Variants in SORBS2 observed in about 807,000 individuals in gnomAD.
SORBS2 encodes the protein sorbin and SH3 domain-containing protein 2.
A neutral mutation model predicts 97.7 loss-of-function variants in SORBS2; 46 were observed. That is an observed-to-expected ratio of 0.47 (90% CI 0.37 to 0.60). SORBS2 has a LOEUF of 0.60. SORBS2 is among the 20% of genes least tolerant of loss of function. The probability of loss-of-function intolerance (pLI) is 0.00; values close to 1 mark genes in which losing one functional copy is unlikely to be tolerated. For missense variants in SORBS2, 1,316 were observed against 1,282.3 expected, an observed-to-expected ratio of 1.03 and a Z score of -0.40; for synonymous variants, 476 against 473.4, an observed-to-expected ratio of 1.01 and a Z score of -0.07.
intron 4 of SORBS2, chr4:185,665,808 C>T: frequency 9.0e-7 from 1 of 1,114,882 alleles, no homozygotes; most frequent in Non-Finnish European, 1.1e-6. Flanking sequence ...GGGAGGGTGT[C>T]TCAGAACGGC....
chr4:185,621,436 C>T (rs1554080782), intron 7 of SORBS2, among the ~76,000 whole-genome samples: 2 of 152,120 alleles, frequency 1.3e-5, no homozygotes, highest in Non-Finnish European at 2.9e-5. Context: ...CAAAAATGTA[C>T]TCCTATCTGC....
At chr4:185,861,100 T>C (rs1395918700) in intron 1 of SORBS2, among the ~76,000 whole-genome samples, 1 of 152,158 alleles carries the variant, frequency 6.6e-6, no homozygotes, top group East Asian at 1.9e-4. Context: ...CTGCTGTCTA[T>C]CTTGTTGGCA....
At position 185,736,512 on chromosome 4, in the gene SORBS2, G is replaced by A. The variant is rs146308381; in HGVS notation, c.-198+38715C>T. On this transcript the variant is annotated intron_variant, in intron 2 of 20. Transcript: ENST00000284776. ...AGGCAGATTGTCAGTTAATGATGGC[G>A]GTGTTCGTTTCTGTTTGTATACTTT... 1.7e-4 allele frequency among the ~76,000 whole-genome samples: 26 copies of A among 152,270 alleles called. No homozygotes were observed. In the East Asian group the frequency reaches 4.6e-3, roughly 27 times the overall value.
chr4:185,908,348 TACAC>T (rs2099252807), intron 1 of SORBS2, among the ~76,000 whole-genome samples: 61 of 144,270 alleles, frequency 4.2e-4, no homozygotes, highest in African/African-American at 1.1e-3. Context: ...TATATATATA[TACAC>T]ATATATATAC....
intron 2 of SORBS2, among the ~76,000 whole-genome samples, chr4:185,681,172 C>T (rs1270093530): frequency 6.6e-6 from 1 of 152,088 alleles, no homozygotes; most frequent in Non-Finnish European, 1.5e-5. Context: ...CTCAAGGAGA[C>T]TAAAGTACAT....
intron 1 of SORBS2, among the ~76,000 whole-genome samples, chr4:185,790,990 T>C (rs2099077448): frequency 6.6e-6 from 1 of 152,130 alleles, no homozygotes; most frequent in Non-Finnish European, 1.5e-5. Context: ...AAATCATGAG[T>C]ATGGGGGAAA....
intron 1 of SORBS2, among the ~76,000 whole-genome samples, chr4:185,799,126 A>G (rs1490212629): frequency 2.0e-5 from 3 of 152,232 alleles, no homozygotes; most frequent in Non-Finnish European, 4.4e-5. Context: ...TCATAAAAGC[A>G]CATGAAGGAA....
At chr4:185,708,908 T>TTAAAATCC (rs1380932964) in intron 2 of SORBS2, among the ~76,000 whole-genome samples, 1 of 152,266 alleles carries the variant, frequency 6.6e-6, no homozygotes, top group East Asian at 1.9e-4. Context: ...AAATCTGCAT[T>TTAAAATCC]AGAATATTAT....
intron 1 of SORBS2, among the ~76,000 whole-genome samples, chr4:185,859,039 C>T (rs1219874418): frequency 1.3e-5 from 2 of 152,134 alleles, no homozygotes; most frequent in Admixed American, 6.5e-5. Context: ...TTGGTGAACC[C>T]AAAAGGCTAG....
intron 2 of SORBS2, among the ~76,000 whole-genome samples, chr4:185,718,806 G>C (rs1414962376): frequency 6.6e-6 from 1 of 151,920 alleles, no homozygotes; most frequent in Non-Finnish European, 1.5e-5. Context: ...TGCAAAGTGA[G>C]AGAGTCAGAC....
intron 13 of SORBS2, chr4:185,593,224 C>T (rs1272068328): frequency 6.6e-6 from 1 of 152,454 alleles, no homozygotes; most frequent in Non-Finnish European, 1.5e-5. Flanking sequence ...GCTGATAACT[C>T]CTGAACGTCT....
At chr4:185,831,359 C>A (rs375344934) in intron 1 of SORBS2, among the ~76,000 whole-genome samples, 3 of 152,196 alleles carry the variant, frequency 2.0e-5, no homozygotes, top group East Asian at 1.9e-4. Context: ...CATGCCCAGA[C>A]GAGGCAGCTA....
At position 185,756,929 on chromosome 4, in the gene SORBS2, T is replaced by C. The variant is rs893056513; in HGVS notation, c.-198+18298A>G. On this transcript the variant is annotated intron_variant, in intron 2 of 20. Coordinates refer to the SORBS2 transcript ENST00000284776. ...GAATGGTCCATATTGAGTATTTTCA[T>C]TTCTGGGTAAGGGAAAAAGCATTTT... The C allele has an allele frequency of 5.6e-6, 8 of 1,421,162 alleles. No homozygotes were observed. In the African/African-American group the frequency reaches 1.1e-4, roughly 20 times the overall value. The allele number at this position is 1,421,162 out of a possible 1,614,324, so 88.0% of individuals were successfully genotyped here. A position where few individuals can be genotyped will look rare whatever the true frequency, so the allele number is the denominator to read the frequency against.
At chr4:185,816,069 C>G (rs973357900) in intron 1 of SORBS2, among the ~76,000 whole-genome samples, 1 of 152,176 alleles carries the variant, frequency 6.6e-6, no homozygotes, top group African/African-American at 2.4e-5. Flanking sequence ...GGAGGCTACT[C>G]TGGTAGAGAG....
At chr4:185,666,117 G>T (rs2097593269) in intron 4 of SORBS2, 1 of 1,289,636 alleles carries the variant, frequency 7.8e-7, no homozygotes, top group Non-Finnish European at 1.0e-6. Context: ...CGGAAGGAGG[G>T]CACGGAGGAG....
At chr4:185,846,202 G>A (rs2099214454) in intron 1 of SORBS2, among the ~76,000 whole-genome samples, 1 of 152,186 alleles carries the variant, frequency 6.6e-6, no homozygotes, top group African/African-American at 2.4e-5. Flanking sequence ...CCATACAACA[G>A]AATGTTACTC....
chr4:185,678,478 G>A, exon 4 of SORBS2: 1 of 1,550,984 alleles, frequency 6.4e-7, no homozygotes, highest in Non-Finnish European at 8.7e-7. Flanking sequence ...AAAACCTTTT[G>A]CTGCAAGAGA....
At chr4:185,670,939 C>A (rs560151830) in intron 4 of SORBS2, among the ~76,000 whole-genome samples, 4 of 152,110 alleles carry the variant, frequency 2.6e-5, no homozygotes, top group African/African-American at 7.2e-5. Context: ...AGGTAGCTGT[C>A]GGGTACCCAA....
chr4:185,614,607 G>A (rs1345130006), intron 11 of SORBS2: 4 of 506,822 alleles, frequency 7.9e-6, no homozygotes, highest in Non-Finnish European at 1.4e-5. Flanking sequence ...GCCACAGAGG[G>A]AGAAGCCTGG....
Sources: allele counts gnomAD v4.1 joint callset (sites outside exome capture counted in the v4.1 genomes callset), GRCh38; gene constraint gnomAD v4.1.1; transcripts MANE v1.5; gene names NCBI Gene and HGNC (gene_info 2026-07-23, HGNC 2026-07-21).